NRK: variants seen among roughly 807,000 people sequenced by gnomAD.
NRK encodes the protein Nik related kinase, also known as nik-related protein kinase.
Under a neutral mutation model 125.2 loss-of-function variants are expected in NRK, and 67 were observed. The observed-to-expected ratio is 0.54, with a 90% CI of 0.44 to 0.66. The LOEUF (loss-of-function observed/expected upper bound fraction) is 0.66. Ranked by LOEUF, NRK falls within the 30% of genes least tolerant of loss-of-function variation. NRK has a pLI of 0.00. For missense variants in NRK, 1,224 were observed against 1,192.9 expected (o/e 1.03, Z -0.38); for synonymous variants, 458 against 429.0 (o/e 1.07, Z -0.84).
chrX:105,904,766 G>T (rs191405606), intron 9 of NRK, among the ~76,000 whole-genome samples: 1 of 110,822 alleles, frequency 9.0e-6, no homozygotes, highest in East Asian at 2.9e-4. Flanking sequence ...CTTAACAGTT[G>T]CACTATACCT....
intron 5 of NRK, among the ~76,000 whole-genome samples, chrX:105,889,351 G>GT (rs1555985867): frequency 6.3e-5 from 7 of 111,197 alleles, no homozygotes; most frequent in Non-Finnish European, 1.1e-4. Context: ...GCAGCGTACA[G>GT]CTCCCTCCTG....
chrX:105,916,819 C>CA (rs1159218829), intron 15 of NRK, among the ~76,000 whole-genome samples: 1 of 111,685 alleles, frequency 9.0e-6, no homozygotes, highest in Non-Finnish European at 1.9e-5. Flanking sequence ...GTGTTAAACT[C>CA]AGAGTAATTG....
At chrX:105,850,764 A>G (rs2039462075) in intron 2 of NRK, among the ~76,000 whole-genome samples, 1 of 111,842 alleles carries the variant, frequency 8.9e-6, no homozygotes, top group Non-Finnish European at 1.9e-5. Context: ...CCTCATCTCT[A>G]TCTGAGACCA....
At chrX:105,897,860 C>T (rs1302175130) in intron 7 of NRK, among the ~76,000 whole-genome samples, 6 of 111,359 alleles carry the variant, frequency 5.4e-5, no homozygotes, top group Admixed American at 4.8e-4. Context: ...CAGTTTTGTT[C>T]GCCATCCTCT....
intron 2 of NRK, among the ~76,000 whole-genome samples, chrX:105,832,890 C>T (rs1256500027): frequency 3.6e-5 from 4 of 110,412 alleles, no homozygotes; most frequent in Non-Finnish European, 7.6e-5. Context: ...TAGCCAGGTG[C>T]AGTGGGTGTG....
chrX:105,919,091 A>G (rs1245715250), intron 16 of NRK, among the ~76,000 whole-genome samples: 2 of 110,037 alleles, frequency 1.8e-5, no homozygotes, highest in African/African-American at 6.6e-5. Context: ...TAATGTTCTC[A>G]AAGGACAGCA....
At chrX:105,880,365 T>C in intron 3 of NRK, 110 bp downstream of exon 3, 6 of 290,047 alleles carry the variant, frequency 2.1e-5, no homozygotes. Flanking sequence ...ATATAATAAT[T>C]ATTACATCAA....
At chrX:105,849,057 A>G (rs746651373) in intron 2 of NRK, among the ~76,000 whole-genome samples, 8 of 111,670 alleles carry the variant, frequency 7.2e-5, no homozygotes, top group Non-Finnish European at 1.5e-4. Context: ...CCTGTGTATT[A>G]GTCTGTTTTC....
intron 18 of NRK, 61 bp from the exon 19 acceptor site, chrX:105,924,634 C>T (rs1330383647): frequency 9.2e-6 from 9 of 973,864 alleles, no homozygotes; most frequent in Non-Finnish European, 1.3e-5. Context: ...GTTGTACTTG[C>T]TAACTTTCAA....
At chrX:105,864,601 C>T (rs1246244179) in intron 2 of NRK, among the ~76,000 whole-genome samples, 1 of 111,047 alleles carries the variant, frequency 9.0e-6, no homozygotes, top group African/African-American at 3.3e-5. Context: ...CACAGACACG[C>T]ACACATATGT....
chrX:105,825,051 C>T (rs1422146360), intron 1 of NRK, among the ~76,000 whole-genome samples: 3 of 111,967 alleles, frequency 2.7e-5, no homozygotes, highest in African/African-American at 9.7e-5. Flanking sequence ...AGAGCAGTAG[C>T]ATGCCCTTTA....
chrX:105,900,151 T>TAC (rs202022404), intron 8 of NRK, among the ~76,000 whole-genome samples: 15,099 of 89,168 alleles, frequency 0.17, 1,319 homozygotes, highest in Middle Eastern at 0.25. Context: ...ACTGCTGAAG[T>TAC]ACACACACAC....
In NRK at chrX:105,946,298, TG is replaced by T; in HGVS notation, c.4204-15del. On this transcript the variant is annotated splice_polypyrimidine_tract_variant and intron_variant, in intron 25 of 28. Transcript: ENST00000243300. ...TCATTTTTGGCCTTTTGGCCATATT[TG>T]GTTTTATATTCACAGGTATTTCCAA... The T allele has an allele frequency of 8.5e-7, 1 of 1,178,993 alleles. No homozygotes were observed. Among genetic ancestry groups the T allele is most frequent in the Non-Finnish European group, 1.1e-6 (1 of 875,766 alleles).
chrX:105,943,486 A>G (rs1394220047), intron 23 of NRK, among the ~76,000 whole-genome samples: 1 of 111,902 alleles, frequency 8.9e-6, no homozygotes, highest in Non-Finnish European at 1.9e-5. Context: ...TTCTTTTTCA[A>G]CATTGTTTGG....
At chrX:105,883,643 A>G (rs1010958288) in intron 4 of NRK, among the ~76,000 whole-genome samples, 2 of 112,291 alleles carry the variant, frequency 1.8e-5, no homozygotes, top group Non-Finnish European at 3.8e-5. Context: ...TCCAGGACAC[A>G]TAAGCTTTCT....
intron 2 of NRK, among the ~76,000 whole-genome samples, chrX:105,844,910 T>C (rs925309320): frequency 8.9e-6 from 1 of 112,030 alleles, no homozygotes; most frequent in African/African-American, 3.2e-5. Context: ...AGTAATGTGC[T>C]TCCAGCTCCA....
At position 105,949,732 on chromosome X, in the gene NRK, T is replaced by C. The variant is rs746704939; in HGVS notation, c.4511T>C (p.Ile1504Thr). The change falls in exon 27 of 29, where the codon ATA becomes ACA. Residue 1504 changes from isoleucine (I) to threonine (T), a missense_variant and splice_region_variant. Transcript: ENST00000243300. ...LEMWKDIPSS[I>T]AFECTQRTTG... ...ATGTGGAAAGACATACCATCTTCTATAGGTATGTATACAATTTATTTCTTC... is the reference window on the plus strand; with the variant it reads ...ATGTGGAAAGACATACCATCTTCTACAGGTATGTATACAATTTATTTCTTC... 1.7e-6 allele frequency: 2 copies of C among 1,157,370 alleles called. No homozygotes were observed. Among genetic ancestry groups the C allele is most frequent in the East Asian group, 3.0e-5 (1 of 33,237 alleles).
intron 2 of NRK, among the ~76,000 whole-genome samples, chrX:105,840,321 C>T (rs1273489801): frequency 9.0e-6 from 1 of 111,542 alleles, no homozygotes; most frequent in Non-Finnish European, 1.9e-5. Context: ...TTAATATGTT[C>T]ACAGATATAT....
At position 105,874,016 on chromosome X, in the gene NRK, C is replaced by A. The variant is rs762963770; in HGVS notation, c.124-6183C>A. ...TACAGTGATGTGCTTGATAACTACG[C>A]TTTAATGCCCTATTGTTTTTTTTCT... On this transcript the variant is annotated intron_variant, in intron 2 of 28. Transcript: ENST00000243300. 4.5e-5 allele frequency among the ~76,000 whole-genome samples: 5 copies of A among 112,070 alleles called. No individual in the cohort carries two copies. In the South Asian group the frequency reaches 1.5e-3, roughly 33 times the overall value.
Sources: allele counts gnomAD v4.1 joint callset (sites outside exome capture counted in the v4.1 genomes callset), GRCh38; gene constraint gnomAD v4.1.1; transcripts MANE v1.5; gene names NCBI Gene and HGNC (gene_info 2026-07-23, HGNC 2026-07-21).